The following DNAH5 variants were observed in gnomAD, a reference collection of about 807,000 sequenced individuals.
DNAH5 encodes the protein axonemal beta dynein heavy chain 5.
A neutral mutation model predicts 518.2 loss-of-function variants in DNAH5; 372 were observed. That is an observed-to-expected ratio of 0.72 (90% confidence interval 0.66 to 0.78). The LOEUF is 0.78. Ranked by LOEUF, DNAH5 falls within the 30% of genes least tolerant of loss-of-function variation. DNAH5 has a pLI of 0.00. For missense variants in DNAH5, 5,523 were observed against 5,687.0 expected (o/e 0.97, Z 0.93); for synonymous variants, 2,039 against 2,025.9 (o/e 1.01, Z -0.17).
intron 30 of DNAH5, among the ~76,000 whole-genome samples, chr5:13,855,040 A>G (rs537238063): frequency 2.7e-4 from 41 of 152,324 alleles, no homozygotes; most frequent in Non-Finnish European, 4.9e-4. Flanking sequence ...AAAATGATTC[A>G]CTAGTAATTT....
rs1757084798 is a variant in DNAH5 at position 13,792,081 on chromosome 5, T to TA, written c.8360_8361insT (p.Lys2787AsnfsTer7). The stretch of plus-strand genomic sequence containing the variant: ...CTCGTAGGTTAAACACATAATGGAA[T>TA]TTTGCAGGGGTAGGAAGCATTTTAA... On this transcript the variant is annotated frameshift_variant, in exon 50 of 79. Transcript: ENST00000265104. LOFTEE classifies it high-confidence loss of function. 6.2e-7 allele frequency: 1 copy of TA among 1,614,092 alleles called. No individual in the cohort carries two copies. Among genetic ancestry groups the TA allele is most frequent in the Non-Finnish European group, 8.5e-7 (1 of 1,180,000 alleles).
intron 61 of DNAH5, among the ~76,000 whole-genome samples, chr5:13,757,363 T>A (rs1580087273): frequency 6.6e-6 from 1 of 152,196 alleles, no homozygotes; most frequent in Non-Finnish European, 1.5e-5. Context: ...CTCACCAGCA[T>A]CTGTTGTTTT....
intron 22 of DNAH5, among the ~76,000 whole-genome samples, chr5:13,876,482 G>A (rs1770904165): frequency 6.6e-6 from 1 of 152,164 alleles, no homozygotes; most frequent in Admixed American, 6.5e-5. Context: ...CAATATGAGA[G>A]TAGGAATAAT....
Position 13,973,040 on chromosome 5 carries a change from T to C in DNAH5, c.12+38608A>G, listed in dbSNP as rs145382826. On this transcript the variant is annotated intron_variant, in intron 1 of 78. Coordinates refer to the DNAH5 transcript ENST00000681290. ...ACAACAGGGGCTTAGCAGATGTGAATAGATTAAGGATTCAGTGAGGGGGAG... is the reference window on the plus strand; with the variant it reads ...ACAACAGGGGCTTAGCAGATGTGAACAGATTAAGGATTCAGTGAGGGGGAG... 1.9e-3 allele frequency among the ~76,000 whole-genome samples: 295 copies of C among 152,282 alleles called. 3 individuals are homozygous for C. Among genetic ancestry groups the C allele is most frequent in the African/African-American group, 6.4e-3 (264 of 41,562 alleles).
intron 47 of DNAH5, among the ~76,000 whole-genome samples, chr5:13,798,467 C>T (rs1219892272): frequency 1.3e-5 from 2 of 152,016 alleles, no homozygotes; most frequent in South Asian, 2.1e-4. Flanking sequence ...TGTAGGAATC[C>T]ACTAATGCAT....
chr5:13,902,256 G>A (rs1034463243), intron 12 of DNAH5, 118 bp from the exon 13 acceptor site: 14 of 735,912 alleles, frequency 1.9e-5, no homozygotes, highest in South Asian at 3.4e-5. Context: ...AAATGTAACC[G>A]AAAATTGAAT....
chr5:13,774,706 T>A (rs976162854), intron 55 of DNAH5, among the ~76,000 whole-genome samples: 2 of 152,156 alleles, frequency 1.3e-5, no homozygotes, highest in African/African-American at 4.8e-5. Flanking sequence ...GAAAGGAAAG[T>A]TTCTCTGCCC....
At position 13,691,964 on chromosome 5, in the gene DNAH5, G is replaced by T. The variant is rs777715365; in HGVS notation, c.*20C>A. 1 of 1,613,922 alleles carries T rather than the reference G, an allele frequency of 6.2e-7. No individual in the cohort carries two copies. Among genetic ancestry groups the T allele is most frequent in the Admixed American group, 1.7e-5 (1 of 59,994 alleles). Reference sequence around the variant, plus strand: ...GATCTTGCATTTTCCAAAGCATTGGGTGGGGACACTCCCCACATGTTACTT... The same window carrying T: ...GATCTTGCATTTTCCAAAGCATTGGTTGGGGACACTCCCCACATGTTACTT... On this transcript the variant is annotated 3_prime_UTR_variant, in exon 79 of 79. Transcript: ENST00000265104.
chr5:13,770,526 G>C (rs1753189876), intron 56 of DNAH5, among the ~76,000 whole-genome samples: 1 of 152,066 alleles, frequency 6.6e-6, no homozygotes, highest in African/African-American at 2.4e-5. Context: ...GGACATTTGG[G>C]GCTGGATAAT....
chr5:13,844,053 G>T (rs1196163207), intron 32 of DNAH5, among the ~76,000 whole-genome samples: 1 of 152,090 alleles, frequency 6.6e-6, no homozygotes, highest in Non-Finnish European at 1.5e-5. Context: ...TAATTGCTTC[G>T]AATGGAATAG....
At chr5:13,699,218 T>A (rs1741755014) in intron 78 of DNAH5, among the ~76,000 whole-genome samples, 2 of 152,210 alleles carry the variant, frequency 1.3e-5, no homozygotes, top group South Asian at 2.1e-4. Flanking sequence ...CCTAAACTCC[T>A]AGACACCTTT....
rs1319248743 is a variant in DNAH5, at chr5:13,951,215, T to G, written c.13-19971A>C. On this transcript the variant is annotated intron_variant, in intron 1 of 78. Transcript: ENST00000681290. ...TTTTTTTTTGTTTTTTTCGTTTTTT[T>G]TTTTTTTTTTTTTTTTTTTGAAGCA... is the stretch of plus-strand genomic sequence containing the variant. Among the ~76,000 whole-genome samples, 8 of 125,806 alleles carry G rather than the reference T, an allele frequency of 6.4e-5. No homozygotes were observed. In the East Asian group the frequency reaches 1.2e-3, roughly 18 times the overall value. 82.5% of individuals were successfully genotyped at this position (125,806 alleles called of 152,430 possible). A position where few individuals can be genotyped will look rare whatever the true frequency, so the allele number is the denominator to read the frequency against.
At chr5:13,924,749 G>C (rs555407385) in intron 3 of DNAH5, among the ~76,000 whole-genome samples, 2 of 151,802 alleles carry the variant, frequency 1.3e-5, no homozygotes, top group Non-Finnish European at 2.9e-5. Context: ...ACTGTGTAAA[G>C]TCCTTAGAAA....
intron 12 of DNAH5, among the ~76,000 whole-genome samples, chr5:13,910,902 AGAAG>A (rs1184753403): frequency 1.3e-5 from 2 of 152,214 alleles, no homozygotes; most frequent in African/African-American, 4.8e-5. Flanking sequence ...AGCAGGTGAA[AGAAG>A]GAAGAGAAAG....
chr5:13,955,940 G>A (rs1780737127), intron 1 of DNAH5, among the ~76,000 whole-genome samples: 3 of 151,904 alleles, frequency 2.0e-5, no homozygotes, highest in South Asian at 4.2e-4. Context: ...ATGAGGGGAG[G>A]GAAAGTCCTT....
At chr5:13,791,031 C>T (rs1756897678) in intron 50 of DNAH5, among the ~76,000 whole-genome samples, 1 of 151,872 alleles carries the variant, frequency 6.6e-6, no homozygotes, top group African/African-American at 2.4e-5. Context: ...AACATGTTTA[C>T]CTATGGAACA....
Position 13,871,662 on chromosome 5 carries a change from G to C in DNAH5, c.3500C>G (p.Ser1167Cys), listed in dbSNP as rs780756921. 1.9e-6 allele frequency: 3 copies of C among 1,613,788 alleles called. No homozygotes were observed. The highest frequency in any genetic ancestry group is 2.7e-5 in the African/African-American group (2 of 75,038). The change falls in exon 23 of 79, where the codon TCT (serine) becomes TGT (cysteine). Residue 1167 changes from serine to cysteine, a missense_variant. This residue lies in a region of DNAH5 where 5,121 missense variants were observed against 5,223.3 expected (regional missense o/e 0.98). Transcript: ENST00000265104. ...KTFITQSPLLSEFESQILYFQ... is the reference protein window; with the variant it reads ...KTFITQSPLLCEFESQILYFQ... Reference sequence around the variant, plus strand: ...ATAGAGAATCTGGGACTCAAATTCAGAAAGCAAGGGGCTCTGTGTAATAAA... The same window carrying C: ...ATAGAGAATCTGGGACTCAAATTCACAAAGCAAGGGGCTCTGTGTAATAAA...
Position 13,753,951 on chromosome 5 carries a change from G to T in DNAH5, c.10555+252C>A, listed in dbSNP as rs528116706. On this transcript the variant is annotated intron_variant, in intron 62 of 78. Transcript: ENST00000265104. Reference sequence around the variant, plus strand: ...AAAGGTCGTTAACACATCTAATAAGGACAGCATAGATGCCAGAACAATGTC... The same window carrying T: ...AAAGGTCGTTAACACATCTAATAAGTACAGCATAGATGCCAGAACAATGTC... 1.7e-4 allele frequency among the ~76,000 whole-genome samples: 26 copies of T among 152,100 alleles called. 1 individual carries two copies. In the South Asian group the frequency reaches 5.4e-3, roughly 32 times the overall value.
At chr5:13,717,285 A>G in intron 73 of DNAH5, 30 bp downstream of exon 73, 1 of 1,602,006 alleles carries the variant, frequency 6.2e-7, no homozygotes, top group Non-Finnish European at 8.5e-7. Flanking sequence ...CACAGCCACT[A>G]GAGGCATGAG....
Sources: allele counts gnomAD v4.1 joint callset (sites outside exome capture counted in the v4.1 genomes callset), GRCh38; gene constraint gnomAD v4.1.1; regional missense constraint gnomAD v4.1.1; transcripts MANE v1.5; gene names NCBI Gene and HGNC (gene_info 2026-07-23, HGNC 2026-07-21).